DCHS2: variants seen among roughly 807,000 people sequenced by gnomAD.
DCHS2 encodes the protein dachsous cadherin-related 2, also known as protocadherin-23.
A neutral mutation model predicts 182.4 loss-of-function variants in DCHS2; 142 were observed. That is an observed-to-expected ratio of 0.78 (90% CI 0.68 to 0.89). DCHS2 has a LOEUF of 0.89. Among genes scored for constraint, DCHS2 ranks in the 40% least tolerant of loss-of-function variants. The pLI is 0.00. For synonymous variants in DCHS2, 1,740 were observed against 1,663.3 expected, an observed-to-expected ratio of 1.05 and a Z score of -1.12; for missense variants, 4,319 against 4,198.6, an observed-to-expected ratio of 1.03 and a Z score of -0.79.
intron 13 of DCHS2, among the ~76,000 whole-genome samples, chr4:154,277,161 T>C (rs566172737): frequency 6.6e-6 from 1 of 152,338 alleles, no homozygotes; most frequent in Admixed American, 6.5e-5. Context: ...TTTCTTTTCT[T>C]ACTGCCACTC....
chr4:154,314,916 G>T (rs1735799620), intron 10 of DCHS2, among the ~76,000 whole-genome samples: 1 of 152,102 alleles, frequency 6.6e-6, no homozygotes, highest in Non-Finnish European at 1.5e-5. Flanking sequence ...TTCAGCATGT[G>T]CTGTGAATAA....
chr4:154,257,823 A>G (rs766067107), intron 15 of DCHS2, among the ~76,000 whole-genome samples: 4 of 152,232 alleles, frequency 2.6e-5, no homozygotes, highest in Admixed American at 6.5e-5. Flanking sequence ...AGTTCATTCT[A>G]TCTGTCCCTG....
intron 1 of DCHS2, among the ~76,000 whole-genome samples, chr4:154,453,852 T>C (rs1031324968): frequency 6.6e-6 from 1 of 152,200 alleles, no homozygotes; most frequent in African/African-American, 2.4e-5. Flanking sequence ...TAATCAATAG[T>C]GCTATTTTGT....
chr4:154,361,742 G>A (rs913462925), intron 3 of DCHS2, among the ~76,000 whole-genome samples: 7 of 151,824 alleles, frequency 4.6e-5, no homozygotes, highest in East Asian at 1.9e-4. Flanking sequence ...CCATGACATC[G>A]CCACACCCCC....
chr4:154,253,400 T>C (rs755071630), intron 16 of DCHS2, among the ~76,000 whole-genome samples: 9 of 152,220 alleles, frequency 5.9e-5, no homozygotes, highest in Non-Finnish European at 1.3e-4. Context: ...AAATTAGATT[T>C]AATTGTTAAT....
chr4:154,440,585 T>G (rs1733967599), intron 1 of DCHS2, among the ~76,000 whole-genome samples: 1 of 151,022 alleles, frequency 6.6e-6, no homozygotes, highest in South Asian at 2.1e-4. Flanking sequence ...TTGTCATAAT[T>G]TTTTTTTATT....
chr4:154,282,462 C>A (rs1274260087), intron 13 of DCHS2, among the ~76,000 whole-genome samples: 1 of 151,534 alleles, frequency 6.6e-6, no homozygotes, highest in African/African-American at 2.4e-5. Flanking sequence ...CAAGATATTA[C>A]CTTATACCCA....
chr4:154,335,219 G>T (rs1461955372), intron 3 of DCHS2, 115 bp from the exon 4 acceptor site: 2 of 739,778 alleles, frequency 2.7e-6, no homozygotes, highest in African/African-American at 3.5e-5. Context: ...TGTGTTAACT[G>T]GGCCACAGGA....
At chr4:154,386,153 A>G (rs574396983) in intron 1 of DCHS2, among the ~76,000 whole-genome samples, 1 of 152,196 alleles carries the variant, frequency 6.6e-6, no homozygotes, top group Non-Finnish European at 1.5e-5. Flanking sequence ...ATGACACCAA[A>G]TCCTATTACT....
At chr4:154,365,320 A>C (rs1730299030) in intron 3 of DCHS2, among the ~76,000 whole-genome samples, 1 of 152,224 alleles carries the variant, frequency 6.6e-6, no homozygotes, top group Admixed American at 6.5e-5. Flanking sequence ...AATGAGGCTC[A>C]GTCACCCTCG....
Position 154,384,640 on chromosome 4 carries a change from T to C in DCHS2, c.2053-7196A>G, listed in dbSNP as rs148472812. On this transcript the variant is annotated intron_variant, in intron 1 of 19. Coordinates refer to ENST00000357232, the MANE Select transcript of DCHS2 (RefSeq NM_001358235.2). ...AGAATCTTATCCTTGCTTATCTGGG[T>C]GGGTCCTATATCCAACAAATGTCCT... Among the ~76,000 whole-genome samples the C allele has an allele frequency of 7.9e-3, 1,208 of 152,286 alleles. 16 individuals are homozygous for C. Among genetic ancestry groups the C allele is most frequent in the African/African-American group, 0.027 (1,138 of 41,558 alleles).
intron 1 of DCHS2, chr4:154,391,383 GAA>G: frequency 1.3e-6 from 2 of 1,491,938 alleles, no homozygotes; most frequent in South Asian, 2.7e-5. Context: ...TTCACATATG[GAA>G]ATACCTCCAT....
intron 16 of DCHS2, among the ~76,000 whole-genome samples, chr4:154,251,505 T>A (rs1020111375): frequency 6.6e-6 from 1 of 152,128 alleles, no homozygotes; most frequent in African/African-American, 2.4e-5. Context: ...CCATATATCT[T>A]ACTAGGACTT....
intron 16 of DCHS2, among the ~76,000 whole-genome samples, chr4:154,250,993 T>C (rs572729157): frequency 1.3e-5 from 2 of 152,358 alleles, no homozygotes; most frequent in South Asian, 4.1e-4. Context: ...CCAAACACTT[T>C]CACGTTCCCG....
At chr4:154,244,049 C>A (rs1476866801) in intron 16 of DCHS2, among the ~76,000 whole-genome samples, 1 of 152,230 alleles carries the variant, frequency 6.6e-6, no homozygotes, top group Non-Finnish European at 1.5e-5. Context: ...AAGCTCACAT[C>A]TCTGCGAAGT....
rs180932085 is a variant in DCHS2 at position 154,233,888 on chromosome 4, G to T, written c.*648C>A. On this transcript the variant is annotated 3_prime_UTR_variant, in exon 20 of 20. Transcript: ENST00000357232. ...TTACCTATCATTATAAATCCTATTTGTTTCTCCCTATTGTCACAGAGTTAT... is the reference window on the plus strand; with the variant it reads ...TTACCTATCATTATAAATCCTATTTTTTTCTCCCTATTGTCACAGAGTTAT... 244 of 152,080 alleles carry T rather than the reference G, an allele frequency of 1.6e-3. 2 individuals carry two copies. The highest frequency in any genetic ancestry group is 5.5e-3 in the African/African-American group (227 of 41,486). 9.4% of individuals were successfully genotyped at this position (152,080 alleles called of 1,614,324 possible). A position where few individuals can be genotyped will look rare whatever the true frequency, so the allele number is the denominator to read the frequency against.
At chr4:154,305,742 A>G (rs1013848645) in intron 10 of DCHS2, among the ~76,000 whole-genome samples, 1 of 152,188 alleles carries the variant, frequency 6.6e-6, no homozygotes, top group Admixed American at 6.5e-5. Flanking sequence ...TCAGTCTGCT[A>G]TCTGGAGTGA....
chr4:154,358,685 A>C (rs1395092840), intron 3 of DCHS2, among the ~76,000 whole-genome samples: 2 of 152,128 alleles, frequency 1.3e-5, no homozygotes, highest in African/African-American at 4.8e-5. Context: ...TATATGCTGA[A>C]TATTTCAAAC....
Position 154,234,639 on chromosome 4 carries a change from T to C in DCHS2, c.10013A>G (p.Gln3338Arg). The change falls in exon 20 of 20, where the codon CAG (glutamine) becomes CGG (arginine). Residue 3338 changes from glutamine (Q) to arginine (R), a missense_variant. Physicochemically the swap from Gln to Arg is conservative, Grantham distance 43. Transcript: ENST00000357232. ...CAACAGTGGAGACAAGGCAGGAGGCTGCATCGTCAATAGGGAAAGAGATGG... is the reference window on the plus strand; with the variant it reads ...CAACAGTGGAGACAAGGCAGGAGGCCGCATCGTCAATAGGGAAAGAGATGG... Reference protein sequence around the residue: ...FSPSLSLLTMQPPALSPLLRE... With the variant: ...FSPSLSLLTMRPPALSPLLRE... 1 of 1,614,058 alleles carries C rather than the reference T, an allele frequency of 6.2e-7. No homozygotes were observed. The highest frequency in any genetic ancestry group is 8.5e-7 in the Non-Finnish European group (1 of 1,179,956).
Sources: allele counts gnomAD v4.1 joint callset (sites outside exome capture counted in the v4.1 genomes callset), GRCh38; gene constraint gnomAD v4.1.1; transcripts MANE v1.5; gene names NCBI Gene and HGNC (gene_info 2026-07-23, HGNC 2026-07-21).